PLAA: variants seen among roughly 807,000 people sequenced by gnomAD.
The protein encoded by PLAA is phospholipase A-2-activating protein.
In PLAA, 48 loss-of-function variants were observed where a neutral mutation model predicts 84.1. That is an observed-to-expected ratio of 0.57 (90% CI 0.45 to 0.73). The LOEUF (loss-of-function observed/expected upper bound fraction) is 0.73, where lower values mean the gene tolerates loss of function less well. Ranked by LOEUF, PLAA falls within the 30% of genes least tolerant of loss-of-function variation. The pLI is 0.00. For synonymous variants in PLAA, 392 were observed against 336.6 expected (o/e 1.16, Z -1.80); for missense variants, 903 against 954.7 (o/e 0.95, Z 0.71).
intron 2 of PLAA, among the ~76,000 whole-genome samples, 165 bp downstream of exon 2, chr9:26,934,848 C>T (rs906713227): frequency 6.6e-6 from 1 of 152,046 alleles, no homozygotes; most frequent in African/African-American, 2.4e-5. Context: ...AAATTTGTAA[C>T]AGAATTTTTA....
At chr9:26,939,687 G>T (rs551766485) in intron 1 of PLAA, among the ~76,000 whole-genome samples, 229 of 152,004 alleles carry the variant, frequency 1.5e-3, no homozygotes, top group African/African-American at 5.3e-3. Flanking sequence ...CAAATATACT[G>T]AAAGTGATAG....
chr9:26,946,852 G>A (rs541672733), intron 1 of PLAA, 45 bp downstream of exon 1: 3 of 1,527,408 alleles, frequency 2.0e-6, no homozygotes, highest in South Asian at 2.5e-5. Context: ...CCACTCTCCG[G>A]GAAGCGTGCA....
At chr9:26,937,584 T>C (rs551566793) in intron 1 of PLAA, among the ~76,000 whole-genome samples, 1 of 152,118 alleles carries the variant, frequency 6.6e-6, no homozygotes, top group Non-Finnish European at 1.5e-5. Flanking sequence ...TGGCAGCAGA[T>C]CTACTAGACA....
Position 26,946,959 on chromosome 9 carries a change from A to C in PLAA, c.87T>G (p.Tyr29Ter). The C allele has an allele frequency of 6.3e-7, 1 of 1,589,856 alleles. No individual in the cohort carries two copies. Among genetic ancestry groups the C allele is most frequent in the Non-Finnish European group, 8.6e-7 (1 of 1,168,360 alleles). The change falls in exon 1 of 14, where the codon TAT becomes TAG. Residue 29 changes from tyrosine (Y) to a stop codon, truncating the protein, a stop_gained. Transcript: ENST00000397292. LOFTEE classifies it high-confidence loss of function. ...ACACGGACACAAAGGCTCCCGGCGGATAGGCGCAGCACACCAGGCCCCGTA... is the reference window on the plus strand; with the variant it reads ...ACACGGACACAAAGGCTCCCGGCGGCTAGGCGCAGCACACCAGGCCCCGTA... The part of the protein sequence containing the change: ...LDVRGLVCCA[Y>*]PPGAFVSVSR...
chr9:26,939,695 T>C (rs1331592116), intron 1 of PLAA, among the ~76,000 whole-genome samples: 2 of 151,916 alleles, frequency 1.3e-5, no homozygotes, highest in Admixed American at 6.6e-5. Context: ...CTGAAAGTGA[T>C]AGGATGAAAC....
chr9:26,912,729 C>A (rs779406824), intron 11 of PLAA, among the ~76,000 whole-genome samples: 10 of 152,066 alleles, frequency 6.6e-5, no homozygotes, highest in Admixed American at 2.0e-4. Flanking sequence ...GTAGATATGA[C>A]CTCAACTTTG....
chr9:26,919,290 C>T lies in PLAA; in HGVS notation c.1417+20G>A. On this transcript the variant is annotated intron_variant, in intron 9 of 13. Coordinates refer to ENST00000397292, the MANE Select transcript of PLAA (RefSeq NM_001031689.3). Reference sequence around the variant, plus strand: ...AACACTAATGGAACTACATAAGACTCAATATAAACACTAACTTACCTGTAA... The same window carrying T: ...AACACTAATGGAACTACATAAGACTTAATATAAACACTAACTTACCTGTAA... 2.0e-6 allele frequency: 3 copies of T among 1,498,062 alleles called. No homozygotes were observed. Among genetic ancestry groups the T allele is most frequent in the Non-Finnish European group, 2.8e-6 (3 of 1,084,598 alleles). The allele number at this position is 1,498,062 out of a possible 1,614,324, so 92.8% of individuals were successfully genotyped here. A position where few individuals can be genotyped will look rare whatever the true frequency, so the allele number is the denominator to read the frequency against.
chr9:26,918,147 T>A (rs1449794853), intron 9 of PLAA, among the ~76,000 whole-genome samples: 1 of 152,186 alleles, frequency 6.6e-6, no homozygotes, highest in Non-Finnish European at 1.5e-5. Context: ...AATCTTGCAC[T>A]ATCGCCCAGG....
intron 1 of PLAA, among the ~76,000 whole-genome samples, chr9:26,940,724 A>C (rs1484038685): frequency 6.6e-6 from 1 of 152,222 alleles, no homozygotes; most frequent in African/African-American, 2.4e-5. Flanking sequence ...AGAGGTGAGG[A>C]CAAAGAGGCA....
chr9:26,926,377 C>T lies in PLAA; in HGVS notation c.733+16G>A, dbSNP rs1242655614. The T allele has an allele frequency of 6.7e-7, 1 of 1,501,074 alleles. No homozygotes were observed. Among genetic ancestry groups the T allele is most frequent in the East Asian group, 2.3e-5 (1 of 44,212 alleles). 93.0% of individuals were successfully genotyped at this position (1,501,074 alleles called of 1,614,324 possible). A position where few individuals can be genotyped will look rare whatever the true frequency, so the allele number is the denominator to read the frequency against. On this transcript the variant is annotated intron_variant, in intron 5 of 13. Coordinates refer to ENST00000397292, the MANE Select transcript of PLAA (RefSeq NM_001031689.3). ...TCAATACAAAACATTAAATAAATAG[C>T]ATAAAATAATCTTACCTCTACAATT...
At chr9:26,917,006 A>C (rs1824583483) in intron 10 of PLAA, 91 bp downstream of exon 10, 1 of 1,022,952 alleles carries the variant, frequency 9.8e-7, no homozygotes. Flanking sequence ...ATTACCAATT[A>C]CTGGATGACA....
chr9:26,920,695 A>G (rs955858091), intron 7 of PLAA, among the ~76,000 whole-genome samples: 6 of 152,240 alleles, frequency 3.9e-5, no homozygotes, highest in African/African-American at 1.4e-4. Context: ...ATGGCTCTCC[A>G]TTAATCCAGT....
rs1431212066 is a variant in PLAA, at chr9:26,926,489, T to C, written c.637A>G (p.Ser213Gly). 1 of 1,612,884 alleles carries C rather than the reference T, an allele frequency of 6.2e-7. No homozygotes were observed. The highest frequency in any genetic ancestry group is 1.7e-5 in the Admixed American group (1 of 60,014). The change falls in exon 5 of 14, where the codon AGT (serine) becomes GGT (glycine). Residue 213 changes from serine (S) to glycine (G), a missense_variant. Physicochemically the swap from Ser to Gly is moderately conservative, Grantham distance 56. Coordinates refer to ENST00000397292, the MANE Select transcript of PLAA (RefSeq NM_001031689.3). ...CCAGTGATTTGCCACCTTCTAATAC[T>C]AGCATCATTTGCACAGGAAAGAAAT... ...TEFLSCANDA[S>G]IRRWQITGEC...
At chr9:26,912,611 G>C (rs566871567) in intron 11 of PLAA, among the ~76,000 whole-genome samples, 4 of 152,218 alleles carry the variant, frequency 2.6e-5, no homozygotes, top group African/African-American at 9.6e-5. Flanking sequence ...AAATGGGAGG[G>C]AGCACTGTTA....
At chr9:26,920,131 C>T (rs936544962) in intron 8 of PLAA, 96 bp downstream of exon 8, 10 of 1,001,342 alleles carry the variant, frequency 1.0e-5, no homozygotes, top group African/African-American at 9.7e-5. Flanking sequence ...TTTTAAATGT[C>T]AAAACAAAGG....
rs1053822233 is a variant in PLAA, at chr9:26,925,911, C to T, written c.783G>A (p.Gly261=). 1 of 1,613,384 alleles carries T rather than the reference C, an allele frequency of 6.2e-7. No individual in the cohort carries two copies. The highest frequency in any genetic ancestry group is 2.2e-5 in the East Asian group (1 of 44,858). ...GAAGTCGGATAGTTTGAGCACATTC[C>T]CCATGTTTCCAGATTCTCAGAGATC... The part of the protein sequence containing the change: ...EDRSLRIWKH[G]ECAQTIRLPA... Residue 261 remains glycine (G), a synonymous_variant, in exon 6 of 14, where the codon GGG becomes GGA. Coordinates refer to ENST00000397292, the MANE Select transcript of PLAA (RefSeq NM_001031689.3).
intron 2 of PLAA, among the ~76,000 whole-genome samples, chr9:26,934,597 A>G (rs974685869): frequency 4.7e-5 from 7 of 148,598 alleles, no homozygotes; most frequent in Non-Finnish European, 1.0e-4. Context: ...CTCGTGCTTC[A>G]GCCTCCTGAG....
intron 11 of PLAA, among the ~76,000 whole-genome samples, chr9:26,911,916 AAATT>A (rs1265803824): frequency 6.6e-6 from 1 of 152,218 alleles, no homozygotes; most frequent in African/African-American, 2.4e-5. Context: ...TTGGTGTACA[AAATT>A]AATTGTTTAT....
Position 26,947,207 on chromosome 9 carries a change from G to A in PLAA, c.-162C>T. ...CCGGTACGGAAGGGCGGCTGGGAAGGGGCGCGCCGAGCGGGCCGAGTGACA... is the reference window on the plus strand; with the variant it reads ...CCGGTACGGAAGGGCGGCTGGGAAGAGGCGCGCCGAGCGGGCCGAGTGACA... On this transcript the variant is annotated 5_prime_UTR_variant, in exon 1 of 14. Transcript: ENST00000397292. 3.7e-6 allele frequency: 3 copies of A among 813,710 alleles called. No homozygotes were observed. The highest frequency in any genetic ancestry group is 3.6e-6 in the Non-Finnish European group (2 of 551,208). The allele number at this position is 813,710 out of a possible 1,614,324, so 50.4% of individuals were successfully genotyped here.
Sources: allele counts gnomAD v4.1 joint callset (sites outside exome capture counted in the v4.1 genomes callset), GRCh38; gene constraint gnomAD v4.1.1; transcripts MANE v1.5; gene names NCBI Gene and HGNC (gene_info 2026-07-23, HGNC 2026-07-21).